Variants in IGF1R observed in about 807,000 individuals in gnomAD.
The protein encoded by IGF1R is insulin-like growth factor 1 receptor.
Under a neutral mutation model 144.6 loss-of-function variants are expected in IGF1R, and 44 were observed. That is an observed-to-expected ratio of 0.30 (90% CI 0.24 to 0.39). The LOEUF (loss-of-function observed/expected upper bound fraction) is 0.39. Ranked by LOEUF, IGF1R falls within the 10% of genes least tolerant of loss-of-function variation. The probability of loss-of-function intolerance (pLI) is 1.00; values close to 1 mark genes in which losing one functional copy is unlikely to be tolerated. For missense variants in IGF1R, 1,355 were observed against 1,833.7 expected (o/e 0.74, Z 4.77); for synonymous variants, 795 against 722.8 (o/e 1.10, Z -1.60).
chr15:98,847,561 G>T (rs771932304), intron 2 of IGF1R, among the ~76,000 whole-genome samples: 9 of 152,116 alleles, frequency 5.9e-5, no homozygotes, highest in Non-Finnish European at 1.3e-4. Flanking sequence ...CCAGACCAAC[G>T]ATGAAGAGTC....
At position 98,957,343 on chromosome 15, in the gene IGF1R, C is replaced by T. The variant is rs1265291749; in HGVS notation, c.4005C>T (p.Val1335=). 1.2e-6 allele frequency: 2 copies of T among 1,611,878 alleles called. No individual in the cohort carries two copies. The highest frequency in any genetic ancestry group is 2.7e-5 in the African/African-American group (2 of 74,916). ...AENGPGPGVL[V]LRASFDERQP... The stretch of plus-strand genomic sequence containing the variant: ...ACGGCCCCGGCCCTGGGGTGCTGGT[C>T]CTCCGCGCCAGCTTCGACGAGAGAC... Residue 1335 remains valine, a synonymous_variant, in exon 21 of 21, where the codon GTC becomes GTT. Transcript: ENST00000650285.
At chr15:98,886,614 TC>T (rs2013655285) in intron 2 of IGF1R, among the ~76,000 whole-genome samples, 1 of 152,142 alleles carries the variant, frequency 6.6e-6, no homozygotes, top group South Asian at 2.1e-4. Context: ...GAGGGTCCCT[TC>T]CTTTCCCCCA....
intron 1 of IGF1R, among the ~76,000 whole-genome samples, chr15:98,678,644 C>T (rs2053107886): frequency 6.6e-6 from 1 of 152,096 alleles, no homozygotes; most frequent in African/African-American, 2.4e-5. Context: ...TCCCTGGTAG[C>T]CGGGACCACA....
chr15:98,915,289 CAG>C (rs2015195226), intron 8 of IGF1R, among the ~76,000 whole-genome samples: 1 of 152,332 alleles, frequency 6.6e-6, no homozygotes, highest in East Asian at 1.9e-4. Context: ...CTGCTGGTGA[CAG>C]AGTCCTTTGC....
intron 2 of IGF1R, among the ~76,000 whole-genome samples, chr15:98,794,023 T>G (rs1436309331): frequency 6.6e-6 from 1 of 152,156 alleles, no homozygotes; most frequent in Non-Finnish European, 1.5e-5. Flanking sequence ...AGCACTTAGG[T>G]AGCAGCCGTA....
chr15:98,730,896 C>T (rs73475603), intron 2 of IGF1R, among the ~76,000 whole-genome samples: 1,997 of 152,072 alleles, frequency 0.013, 47 homozygotes, highest in African/African-American at 0.045. Context: ...TTGTAGTCAC[C>T]GATGAATTAT....
intron 2 of IGF1R, among the ~76,000 whole-genome samples, chr15:98,744,846 C>T (rs1402931744): frequency 6.6e-6 from 1 of 151,608 alleles, no homozygotes; most frequent in Non-Finnish European, 1.5e-5. Context: ...TGAGAAGAAA[C>T]TACCATTCTC....
chr15:98,843,042 G>T (rs1428955050), intron 2 of IGF1R, among the ~76,000 whole-genome samples: 4 of 152,198 alleles, frequency 2.6e-5, no homozygotes, highest in Non-Finnish European at 5.9e-5. Flanking sequence ...TTTGAAAGTT[G>T]CAAGTCAAAC....
intron 1 of IGF1R, among the ~76,000 whole-genome samples, chr15:98,675,974 C>T (rs771249601): frequency 5.3e-5 from 8 of 150,994 alleles, no homozygotes; most frequent in Non-Finnish European, 7.4e-5. Context: ...TACAGGCGTG[C>T]GCCACCACGC....
At chr15:98,739,329 A>G (rs3743263) in intron 2 of IGF1R, among the ~76,000 whole-genome samples, 95,766 of 152,014 alleles carry the variant, frequency 0.63, 30,461 homozygotes, top group Non-Finnish European at 0.67. Context: ...CCCGTCTGTC[A>G]TAGCCTTCCT....
rs376043266 is a variant in IGF1R, at chr15:98,950,203, C to A, written c.3722+1495C>A. 2.9e-3 allele frequency among the ~76,000 whole-genome samples: 448 copies of A among 152,340 alleles called. 1 individual carries two copies. The highest frequency in any genetic ancestry group is 0.01 in the African/African-American group (426 of 41,582). ...CTCCTATCTCTCACCCATCCACCCC[C>A]CTGGAGCCAGCACAGACTCAGGCTG... is the stretch of plus-strand genomic sequence containing the variant. On this transcript the variant is annotated intron_variant, in intron 20 of 20. Transcript: ENST00000650285.
chr15:98,918,511 G>T (rs775660821), intron 10 of IGF1R, among the ~76,000 whole-genome samples: 55 of 152,174 alleles, frequency 3.6e-4, no homozygotes, highest in Non-Finnish European at 7.1e-4. Context: ...AGAACTGGAG[G>T]CATTATTTCC....
chr15:98,656,784 G>T (rs1385011621), intron 1 of IGF1R, among the ~76,000 whole-genome samples: 1 of 152,144 alleles, frequency 6.6e-6, no homozygotes, highest in East Asian at 1.9e-4. Context: ...CGTTTGTTCA[G>T]AATTGTGTAT....
At chr15:98,826,835 T>G in intron 2 of IGF1R, among the ~76,000 whole-genome samples, 1 of 152,228 alleles carries the variant, frequency 6.6e-6, no homozygotes, top group Admixed American at 6.5e-5. Flanking sequence ...CAAGTATATC[T>G]TAAAAGTGCA....
intron 2 of IGF1R, among the ~76,000 whole-genome samples, chr15:98,719,775 G>A (rs1420017522): frequency 6.6e-6 from 1 of 152,174 alleles, no homozygotes; most frequent in Non-Finnish European, 1.5e-5. Flanking sequence ...GCTTTAGGGT[G>A]GGGGGACTTG....
chr15:98,936,036 C>G (rs2016133006), intron 17 of IGF1R, among the ~76,000 whole-genome samples: 1 of 152,218 alleles, frequency 6.6e-6, no homozygotes, highest in African/African-American at 2.4e-5. Context: ...ATTTCCCACC[C>G]AGCTCCGTGC....
At chr15:98,688,536 G>T (rs1414131874) in intron 1 of IGF1R, among the ~76,000 whole-genome samples, 1 of 152,124 alleles carries the variant, frequency 6.6e-6, no homozygotes, top group Non-Finnish European at 1.5e-5. Context: ...TTGGGGGTCT[G>T]TGCTAACCAC....
At chr15:98,693,953 C>G (rs139704792) in intron 1 of IGF1R, among the ~76,000 whole-genome samples, 1 of 152,292 alleles carries the variant, frequency 6.6e-6, no homozygotes, top group African/African-American at 2.4e-5. Context: ...TAGACTTCTT[C>G]AAGGCTGTAC....
At chr15:98,875,546 CTTTTT>C (rs531702468) in intron 2 of IGF1R, among the ~76,000 whole-genome samples, 1 of 144,472 alleles carries the variant, frequency 6.9e-6, no homozygotes, top group African/African-American at 2.5e-5. Context: ...TGTGTATGAA[CTTTTT>C]TTTTTTTTGA....
Sources: allele counts gnomAD v4.1 joint callset (sites outside exome capture counted in the v4.1 genomes callset), GRCh38; gene constraint gnomAD v4.1.1; transcripts MANE v1.5; gene names NCBI Gene and HGNC (gene_info 2026-07-23, HGNC 2026-07-21).